Variants in MED12L observed in about 807,000 individuals in gnomAD.
MED12L encodes the protein mediator of RNA polymerase II transcription subunit 12-like protein.
MED12L carries 60 observed loss-of-function variants against 281.3 expected under a neutral mutation model. The observed-to-expected ratio is 0.21, with a 90% CI of 0.17 to 0.26. The LOEUF (loss-of-function observed/expected upper bound fraction) is 0.26. Among genes scored for constraint, MED12L ranks in the 10% least tolerant of loss-of-function variants. MED12L has a pLI of 1.00. For synonymous variants in MED12L, 974 were observed against 987.2 expected (o/e 0.99, Z 0.25); for missense variants, 2,146 against 2,680.9 (o/e 0.80, Z 4.41).
chr3:151,210,849 C>G lies in MED12L; in HGVS notation c.2250+17183C>G, dbSNP rs73157917. 1.6e-3 allele frequency among the ~76,000 whole-genome samples: 243 copies of G among 152,358 alleles called. 1 individual carries two copies. The highest frequency in any genetic ancestry group is 2.7e-3 in the Non-Finnish European group (182 of 68,034). ...TGGCAGAGACTCTGAGGCAGAGGCT[C>G]TCAGCAGACTGTCATTAGCTTCCCC... is the stretch of plus-strand genomic sequence containing the variant. On this transcript the variant is annotated intron_variant, in intron 16 of 44. Coordinates refer to ENST00000687756, the MANE Select transcript of MED12L (RefSeq NM_001393769.1).
At chr3:151,221,414 A>G (rs147106007) in intron 16 of MED12L, among the ~76,000 whole-genome samples, 7 of 152,332 alleles carry the variant, frequency 4.6e-5, no homozygotes, top group Admixed American at 3.3e-4. Context: ...TATCCAGGGC[A>G]TGTCAAAGGT....
chr3:151,169,796 C>G (rs1721198731), intron 11 of MED12L, among the ~76,000 whole-genome samples: 1 of 152,100 alleles, frequency 6.6e-6, no homozygotes, highest in Admixed American at 6.5e-5. Context: ...TTTCATAATT[C>G]ATTCAGGATT....
intron 2 of MED12L, among the ~76,000 whole-genome samples, chr3:151,091,103 G>C (rs1384114943): frequency 1.3e-5 from 2 of 152,076 alleles, no homozygotes; most frequent in Non-Finnish European, 2.9e-5. Flanking sequence ...CATTTGAAGA[G>C]TAAATATGTG....
rs141024079 is a variant in MED12L at position 151,191,978 on chromosome 3, C to G, written c.1969-572C>G. On this transcript the variant is annotated intron_variant, in intron 14 of 44. Transcript: ENST00000687756. ...CCATTATTATTTTTTAAAACAGTAG[C>G]TATACTTACAATTAAAAACCTGGTA... 2.8e-3 allele frequency among the ~76,000 whole-genome samples: 419 copies of G among 152,018 alleles called. 1 individual carries two copies. Among genetic ancestry groups the G allele is most frequent in the African/African-American group, 9.7e-3 (403 of 41,472 alleles).
intron 5 of MED12L, among the ~76,000 whole-genome samples, chr3:151,134,497 G>T (rs1715858602): frequency 1.3e-5 from 2 of 152,222 alleles, no homozygotes; most frequent in South Asian, 4.1e-4. Context: ...GAGGACAAGA[G>T]TGTGACAGTG....
intron 39 of MED12L, among the ~76,000 whole-genome samples, chr3:151,398,868 C>T (rs1278184543): frequency 1.3e-5 from 2 of 152,102 alleles, no homozygotes; most frequent in Non-Finnish European, 2.9e-5. Context: ...AAATTAGGCT[C>T]AGTAAGATAC....
chr3:151,319,472 T>C (rs751866219), intron 16 of MED12L, among the ~76,000 whole-genome samples: 8,061 of 68,110 alleles, frequency 0.12, 273 homozygotes, highest in Middle Eastern at 0.28. Context: ...TGTGTGCGTG[T>C]GTGTGTGTGT....
intron 28 of MED12L, 105 bp downstream of exon 28, chr3:151,376,319 T>G (rs531834602): frequency 3.2e-6 from 3 of 943,868 alleles, no homozygotes; most frequent in Middle Eastern, 2.5e-4. Context: ...GTGATTTCAA[T>G]TCTGATTTTT....
intron 16 of MED12L, among the ~76,000 whole-genome samples, chr3:151,225,059 C>T (rs1730219024): frequency 6.6e-6 from 1 of 152,114 alleles, no homozygotes; most frequent in Non-Finnish European, 1.5e-5. Context: ...TTTTCTTACC[C>T]AAGCAGAGCT....
At chr3:151,410,702 A>G (rs1716835716) in intron 40 of MED12L, among the ~76,000 whole-genome samples, 1 of 152,230 alleles carries the variant, frequency 6.6e-6, no homozygotes. Flanking sequence ...GTACTAGAGG[A>G]TAATGAACAG....
intron 11 of MED12L, among the ~76,000 whole-genome samples, chr3:151,167,564 G>A (rs1720876847): frequency 6.6e-6 from 1 of 152,174 alleles, no homozygotes; most frequent in South Asian, 2.1e-4. Flanking sequence ...ATTTTTGATT[G>A]ATCACCCTGC....
In MED12L at chr3:151,432,886, A is replaced by C; in HGVS notation, c.*82A>C. The C allele has an allele frequency of 9.8e-7, 1 of 1,024,372 alleles. No individual in the cohort carries two copies. The highest frequency in any genetic ancestry group is 1.6e-5 in the South Asian group (1 of 61,462). The allele number at this position is 1,024,372 out of a possible 1,614,324, so 63.5% of individuals were successfully genotyped here. On this transcript the variant is annotated 3_prime_UTR_variant, in exon 45 of 45. Transcript: ENST00000687756. The stretch of plus-strand genomic sequence containing the variant: ...AATTTAATGCATTAGTCATCTTAAA[A>C]ATGTCCCTTTTTTTCATTTCTTTGA...
At position 151,131,560 on chromosome 3, in the gene MED12L, T is replaced by A. The variant is rs568606786; in HGVS notation, c.556+3576T>A. Among the ~76,000 whole-genome samples, 216 of 152,222 alleles carry A rather than the reference T, an allele frequency of 1.4e-3. 2 individuals are homozygous for A. The highest frequency in any genetic ancestry group is 1.1e-3 in the Non-Finnish European group (73 of 68,018). ...AAGTTGAGGCTGCAGTGAGCTGGGA[T>A]TGAGCCACTGCACTCCAGCCTGGGC... On this transcript the variant is annotated intron_variant, in intron 5 of 44. Coordinates refer to ENST00000687756, the MANE Select transcript of MED12L (RefSeq NM_001393769.1).
chr3:151,192,522 G>T, intron 14 of MED12L, 28 bp from the exon 15 acceptor site: 1 of 1,457,854 alleles, frequency 6.9e-7, no homozygotes, highest in Non-Finnish European at 9.3e-7. Context: ...AACTTACAAT[G>T]TTACTTTCTT....
At chr3:151,281,056 G>A (rs950676808) in intron 16 of MED12L, among the ~76,000 whole-genome samples, 4 of 150,026 alleles carry the variant, frequency 2.7e-5, no homozygotes, top group Admixed American at 2.6e-4. Context: ...AAATATTTTA[G>A]CCTGACAATA....
At chr3:151,237,229 G>A (rs1405721044) in intron 16 of MED12L, among the ~76,000 whole-genome samples, 5 of 151,116 alleles carry the variant, frequency 3.3e-5, no homozygotes, top group African/African-American at 9.7e-5. Flanking sequence ...TAGTAGAGAC[G>A]GGGTTTCACT....
At chr3:151,158,315 T>A (rs566498394) in intron 6 of MED12L, among the ~76,000 whole-genome samples, 1 of 152,314 alleles carries the variant, frequency 6.6e-6, no homozygotes, top group East Asian at 1.9e-4. Flanking sequence ...GTTAAGATGA[T>A]GGCATGAGCA....
Position 151,188,484 on chromosome 3 carries a change from A to G in MED12L, c.1753+4A>G. 1.2e-6 allele frequency: 2 copies of G among 1,607,720 alleles called. No homozygotes were observed. Among genetic ancestry groups the G allele is most frequent in the Non-Finnish European group, 1.7e-6 (2 of 1,177,312 alleles). ...GATACACAGGCCCCCTCTTTGTGTA[A>G]GTAGAGAAAACTCTTTGCCTCTAGA... On this transcript the variant is annotated splice_donor_region_variant and intron_variant, in intron 13 of 44. Transcript: ENST00000687756.
chr3:151,241,182 G>C (rs148075757), intron 16 of MED12L, among the ~76,000 whole-genome samples: 59 of 152,276 alleles, frequency 3.9e-4, no homozygotes, highest in East Asian at 1.9e-3. Flanking sequence ...TTTGGCATCT[G>C]GGATTGCCTT....
Sources: allele counts gnomAD v4.1 joint callset (sites outside exome capture counted in the v4.1 genomes callset), GRCh38; gene constraint gnomAD v4.1.1; transcripts MANE v1.5; gene names NCBI Gene and HGNC (gene_info 2026-07-23, HGNC 2026-07-21).